The following PTK2 variants were observed in gnomAD, a reference collection of about 807,000 sequenced individuals.
PTK2 encodes focal adhesion kinase 1.
PTK2 carries 45 observed loss-of-function variants against 150.1 expected under a neutral mutation model. The observed-to-expected ratio is 0.30, with a 90% confidence interval of 0.24 to 0.38. The LOEUF is 0.38. Among genes scored for constraint, PTK2 ranks in the 10% least tolerant of loss-of-function variants. The probability of loss-of-function intolerance (pLI) is 1.00; values close to 1 mark genes in which losing one functional copy is unlikely to be tolerated. For missense variants in PTK2, 919 were observed against 1,307.3 expected (o/e 0.70, Z 4.58); for synonymous variants, 432 against 449.2 (o/e 0.96, Z 0.48).
At chr8:140,776,681 A>G (rs1304819383) in intron 14 of PTK2, among the ~76,000 whole-genome samples, 1 of 152,188 alleles carries the variant, frequency 6.6e-6, no homozygotes, top group African/African-American at 2.4e-5. Context: ...GTTCCTTTTG[A>G]GTATATTAAG....
chr8:140,838,406 G>A (rs986568687), intron 7 of PTK2, among the ~76,000 whole-genome samples: 2 of 152,326 alleles, frequency 1.3e-5, no homozygotes, highest in East Asian at 3.9e-4. Flanking sequence ...GTGCATGCGA[G>A]TCCCTGCACA....
At chr8:140,662,506 T>C (rs2081998628) in intron 31 of PTK2, 2 of 399,000 alleles carry the variant, frequency 5.0e-6, no homozygotes, top group South Asian at 1.3e-4. Flanking sequence ...CTGAGGCTTG[T>C]CATGGAAAGC....
intron 22 of PTK2, among the ~76,000 whole-genome samples, chr8:140,733,349 C>A (rs1187938801): frequency 1.3e-5 from 2 of 152,100 alleles, no homozygotes. Flanking sequence ...GAACTATAGA[C>A]AGACAGAGGT....
intron 14 of PTK2, among the ~76,000 whole-genome samples, chr8:140,776,063 G>A (rs2100078224): frequency 6.6e-6 from 1 of 152,218 alleles, no homozygotes; most frequent in South Asian, 2.1e-4. Context: ...GGAGTGCAGT[G>A]GCGTGATCTT....
At chr8:140,735,168 G>C (rs902649497) in intron 22 of PTK2, 83 bp downstream of exon 25, 6 of 1,303,610 alleles carry the variant, frequency 4.6e-6, no homozygotes, top group Non-Finnish European at 6.5e-6. Flanking sequence ...CTGATATAAT[G>C]ACCTTAAAAT....
At chr8:140,888,774 T>G (rs200827801) in intron 3 of PTK2, among the ~76,000 whole-genome samples, 2 of 57,538 alleles carry the variant, frequency 3.5e-5, no homozygotes, top group African/African-American at 7.0e-5. Context: ...ACATTTTTGC[T>G]AAATGTCTTG....
At chr8:140,991,734 C>T (rs540946816) in intron 1 of PTK2, among the ~76,000 whole-genome samples, 1 of 152,170 alleles carries the variant, frequency 6.6e-6, no homozygotes, top group Non-Finnish European at 1.5e-5. Context: ...CGAGGCCAGG[C>T]ATGGTGGCTC....
At chr8:140,946,047 A>G (rs1479767744) in intron 1 of PTK2, among the ~76,000 whole-genome samples, 1 of 152,052 alleles carries the variant, frequency 6.6e-6, no homozygotes, top group Admixed American at 6.6e-5. Flanking sequence ...CTAGAGAGCA[A>G]CCTCTCTAGA....
intron 1 of PTK2, among the ~76,000 whole-genome samples, chr8:140,980,322 T>G (rs9324540): frequency 0.42 from 63,507 of 152,088 alleles, 15,176 homozygotes; most frequent in Non-Finnish European, 0.55. Flanking sequence ...CATGATACCC[T>G]TAGTATAAAG....
At chr8:140,710,117 C>A (rs1182656774) in intron 23 of PTK2, among the ~76,000 whole-genome samples, 2 of 151,950 alleles carry the variant, frequency 1.3e-5, no homozygotes, top group African/African-American at 4.8e-5. Flanking sequence ...GAGTTTGAGA[C>A]CAGCCTAGGC....
At chr8:140,863,401 GCTAA>G (rs1567753798) in intron 5 of PTK2, among the ~76,000 whole-genome samples, 2 of 152,104 alleles carry the variant, frequency 1.3e-5, no homozygotes, top group African/African-American at 4.8e-5. Flanking sequence ...TACGGCATTT[GCTAA>G]CTAACGTTTT....
At chr8:140,820,664 A>C (rs886759295) in intron 8 of PTK2, 5 of 152,046 alleles carry the variant, frequency 3.3e-5, no homozygotes, top group African/African-American at 1.2e-4. Flanking sequence ...CTAATAATTA[A>C]GAGTTGCCAT....
rs761437972 is a variant in PTK2, at chr8:140,668,442, AG to A, written c.2710-19del. 33 of 1,596,344 alleles carry A rather than the reference AG, an allele frequency of 2.1e-5. No homozygotes were observed. The highest frequency in any genetic ancestry group is 2.7e-5 in the Non-Finnish European group (32 of 1,171,600). On this transcript the variant is annotated intron_variant, in intron 29 of 31. Transcript: ENST00000522684. ...GGCTGAAGCTGACAACACAGAAGCC[AG>A]TCATTTTTCTGCTCTCCAGCAGATG...
chr8:140,863,324 T>C (rs2100137325), intron 5 of PTK2, among the ~76,000 whole-genome samples: 1 of 152,172 alleles, frequency 6.6e-6, no homozygotes, highest in Non-Finnish European at 1.5e-5. Context: ...TTGCAACCTT[T>C]TAAAAATTCA....
At chr8:140,901,106 T>A (rs566570308) in intron 2 of PTK2, among the ~76,000 whole-genome samples, 1 of 152,244 alleles carries the variant, frequency 6.6e-6, no homozygotes, top group East Asian at 1.9e-4. Flanking sequence ...TCCATACATT[T>A]ACAACCAATT....
intron 9 of PTK2, 149 bp from the exon 10 acceptor site, chr8:140,818,503 TA>T: frequency 1.4e-6 from 1 of 705,460 alleles, no homozygotes. Context: ...AAAATATTTA[TA>T]ACTTCATTGA....
intron 14 of PTK2, among the ~76,000 whole-genome samples, chr8:140,784,284 A>C (rs1218147332): frequency 2.0e-5 from 3 of 152,240 alleles, no homozygotes; most frequent in African/African-American, 7.2e-5. Flanking sequence ...GAAAACTTGT[A>C]TTATCTCTAG....
intron 30 of PTK2, among the ~76,000 whole-genome samples, chr8:140,665,524 A>G (rs1176664865): frequency 6.6e-6 from 1 of 152,204 alleles, no homozygotes; most frequent in Non-Finnish European, 1.5e-5. Context: ...TATTAGGCAC[A>G]CTGAGCAGAA....
intron 27 of PTK2, among the ~76,000 whole-genome samples, chr8:140,684,763 T>C (rs1181083733): frequency 6.6e-6 from 1 of 152,190 alleles, no homozygotes; most frequent in Admixed American, 6.5e-5. Context: ...AGAACTGATA[T>C]TGTTATAATG....
Sources: allele counts gnomAD v4.1 joint callset (sites outside exome capture counted in the v4.1 genomes callset), GRCh38; gene constraint gnomAD v4.1.1; transcripts MANE v1.5; gene names NCBI Gene and HGNC (gene_info 2026-07-23, HGNC 2026-07-21).